Variants in SOX5 observed in about 807,000 individuals in gnomAD.
SOX5 encodes the protein SRY-box transcription factor 5, also known as transcription factor SOX-5.
Under a neutral mutation model 92.0 loss-of-function variants are expected in SOX5, and 9 were observed. The ratio of observed to expected loss-of-function variants is 0.10; its 90% CI spans 0.06 to 0.17. The LOEUF (loss-of-function observed/expected upper bound fraction) is 0.17, where lower values mean the gene tolerates loss of function less well. SOX5 is among the 10% of genes least tolerant of loss of function. The pLI is 1.00. For missense variants in SOX5, 642 were observed against 944.5 expected (o/e 0.68, Z 4.20); for synonymous variants, 344 against 336.3 (o/e 1.02, Z -0.25).
At chr12:23,593,156 T>C (rs1055519377) in intron 9 of SOX5, among the ~76,000 whole-genome samples, 1 of 152,198 alleles carries the variant, frequency 6.6e-6, no homozygotes, top group Non-Finnish European at 1.5e-5. Context: ...AGGTAGTTCA[T>C]GTTTCCTATA....
intron 3 of SOX5, among the ~76,000 whole-genome samples, chr12:24,258,793 A>G (rs547066272): frequency 1.3e-5 from 2 of 152,344 alleles, no homozygotes; most frequent in African/African-American, 2.4e-5. Context: ...TATGTACTCT[A>G]TGTACTTTAT....
chr12:23,646,461 C>G (rs1379154944), intron 7 of SOX5, among the ~76,000 whole-genome samples: 1 of 152,186 alleles, frequency 6.6e-6, no homozygotes, highest in Non-Finnish European at 1.5e-5. Context: ...GCCACCGCGC[C>G]TGGTGGGAAT....
intron 4 of SOX5, among the ~76,000 whole-genome samples, chr12:24,055,726 G>C (rs1170288317): frequency 6.6e-6 from 1 of 151,874 alleles, no homozygotes; most frequent in East Asian, 1.9e-4. Flanking sequence ...TAGTTGCAAA[G>C]AATATTTTAA....
At chr12:23,705,675 T>C (rs2091294971) in intron 6 of SOX5, among the ~76,000 whole-genome samples, 1 of 152,080 alleles carries the variant, frequency 6.6e-6, no homozygotes, top group Admixed American at 6.6e-5. Context: ...CCACCTTAAC[T>C]GTGGCTCAGT....
intron 3 of SOX5, among the ~76,000 whole-genome samples, chr12:23,824,531 G>T (rs918247390): frequency 9.9e-5 from 15 of 152,210 alleles, no homozygotes; most frequent in African/African-American, 3.1e-4. Context: ...GATCTCTCCT[G>T]TATGAGGTGT....
At chr12:24,021,478 T>C (rs1247030944) in intron 4 of SOX5, among the ~76,000 whole-genome samples, 10 of 152,172 alleles carry the variant, frequency 6.6e-5, no homozygotes, top group Admixed American at 5.2e-4. Flanking sequence ...TTTCACCTTG[T>C]CCACACCAAC....
intron 4 of SOX5, among the ~76,000 whole-genome samples, chr12:24,045,924 C>A (rs537192870): frequency 2.0e-5 from 3 of 152,154 alleles, no homozygotes; most frequent in Non-Finnish European, 4.4e-5. Context: ...TCTCCTGTCA[C>A]TCTGGCTGTT....
At chr12:23,757,694 A>G (rs2094436696) in intron 3 of SOX5, among the ~76,000 whole-genome samples, 1 of 151,996 alleles carries the variant, frequency 6.6e-6, no homozygotes, top group South Asian at 2.1e-4. Context: ...GCAGGAATGC[A>G]GCAATAGAAA....
intron 1 of SOX5, among the ~76,000 whole-genome samples, chr12:23,938,363 C>T (rs897243914): frequency 1.3e-5 from 2 of 150,956 alleles, no homozygotes; most frequent in African/African-American, 4.8e-5. Context: ...TCTTATGTTG[C>T]TTTTACTATG....
At chr12:23,708,680 G>A (rs562314796) in intron 6 of SOX5, among the ~76,000 whole-genome samples, 84 of 152,194 alleles carry the variant, frequency 5.5e-4, no homozygotes, top group African/African-American at 1.9e-3. Context: ...ACATGTGGCA[G>A]GAAAGTGGAA....
Position 23,997,376 on chromosome 12 carries a change from T to C in SOX5, c.-1-101352A>G, listed in dbSNP as rs144060227. ...TGTCAAAAACAATAGCGATCTTGGA[T>C]GGCCAACAGTCAGAGAAGGCCAATA... On this transcript the variant is annotated intron_variant, in intron 4 of 4. Coordinates refer to the SOX5 transcript ENST00000446891. 6.9e-3 allele frequency among the ~76,000 whole-genome samples: 1,056 copies of C among 152,298 alleles called. 15 individuals carry two copies. The highest frequency in any genetic ancestry group is 0.024 in the African/African-American group (1,007 of 41,570).
At chr12:24,039,644 A>T (rs1956342226) in intron 4 of SOX5, among the ~76,000 whole-genome samples, 1 of 152,220 alleles carries the variant, frequency 6.6e-6, no homozygotes, top group South Asian at 2.1e-4. Flanking sequence ...TTAGTATAAC[A>T]ATGGTAGAAT....
intron 2 of SOX5, among the ~76,000 whole-genome samples, chr12:23,887,476 C>G (rs2097080654): frequency 1.3e-5 from 2 of 152,096 alleles, no homozygotes; most frequent in African/African-American, 4.8e-5. Context: ...GTAATCCTTC[C>G]TTAATGCATG....
chr12:24,049,734 G>C (rs1305431859), intron 4 of SOX5, among the ~76,000 whole-genome samples: 2 of 144,766 alleles, frequency 1.4e-5, no homozygotes, highest in African/African-American at 5.3e-5. Flanking sequence ...TGAAGGACCA[G>C]TTCTCTGGAG....
At chr12:24,171,385 G>A (rs1288711202) in intron 4 of SOX5, among the ~76,000 whole-genome samples, 5 of 151,330 alleles carry the variant, frequency 3.3e-5, no homozygotes, top group Non-Finnish European at 2.9e-5. Context: ...CACCGCACCC[G>A]GCTAATTTTT....
intron 3 of SOX5, among the ~76,000 whole-genome samples, chr12:23,820,223 C>T (rs1182566543): frequency 1.3e-5 from 2 of 152,126 alleles, no homozygotes; most frequent in Non-Finnish European, 2.9e-5. Flanking sequence ...GCATAAATGT[C>T]TTCTTTTGAG....
At chr12:23,979,782 A>AT (rs1949356379) in intron 4 of SOX5, among the ~76,000 whole-genome samples, 1 of 119,612 alleles carries the variant, frequency 8.4e-6, no homozygotes, top group Non-Finnish European at 1.6e-5. Flanking sequence ...CAGTAGTGTG[A>AT]TCATAGCAAA....
intron 4 of SOX5, among the ~76,000 whole-genome samples, chr12:24,087,111 A>G (rs1944089749): frequency 6.6e-6 from 1 of 152,050 alleles, no homozygotes; most frequent in Non-Finnish European, 1.5e-5. Context: ...GACACTGCCC[A>G]GACAGTTACA....
At chr12:24,520,055 GC>G (rs1425909330) in intron 1 of SOX5, among the ~76,000 whole-genome samples, 8 of 151,534 alleles carry the variant, frequency 5.3e-5, no homozygotes, top group Middle Eastern at 6.8e-3. Context: ...AAAAAAACCT[GC>G]CAATCAAGAA....
Sources: allele counts gnomAD v4.1 joint callset (sites outside exome capture counted in the v4.1 genomes callset), GRCh38; gene constraint gnomAD v4.1.1; transcripts MANE v1.5; gene names NCBI Gene and HGNC (gene_info 2026-07-23, HGNC 2026-07-21).